DENND1B: variants seen among roughly 807,000 people sequenced by gnomAD.
DENND1B encodes the protein DENN domain containing 1B, also known as DENN domain-containing protein 1B.
In DENND1B, 59 loss-of-function variants were observed where a neutral mutation model predicts 90.1. The ratio of observed to expected loss-of-function variants is 0.65; its 90% CI spans 0.53 to 0.81. The LOEUF is 0.81. Among genes scored for constraint, DENND1B ranks in the 40% least tolerant of loss-of-function variants. DENND1B has a pLI of 0.00. For synonymous variants in DENND1B, 337 were observed against 324.6 expected (o/e 1.04, Z -0.41); for missense variants, 862 against 912.6 (o/e 0.94, Z 0.71).
At position 197,510,034 on chromosome 1, in the gene DENND1B, T is replaced by A. The variant is rs1173081435; in HGVS notation, c.*426A>T. The stretch of plus-strand genomic sequence containing the variant: ...TATGCTTAAAAAACAGCTTTAAGAT[T>A]AAGGCAATTAGTGGGTTAACAGTTT... On this transcript the variant is annotated 3_prime_UTR_variant, in exon 23 of 23. Transcript: ENST00000620048. 1 of 155,916 alleles carries A rather than the reference T, an allele frequency of 6.4e-6. No individual in the cohort carries two copies. Among genetic ancestry groups the A allele is most frequent in the Non-Finnish European group, 1.4e-5 (1 of 70,628 alleles). The allele number at this position is 155,916 out of a possible 1,614,324, so 9.7% of individuals were successfully genotyped here. A position where few individuals can be genotyped will look rare whatever the true frequency, so the allele number is the denominator to read the frequency against.
chr1:197,702,850 T>A (rs1659172607), intron 3 of DENND1B, among the ~76,000 whole-genome samples: 2 of 152,192 alleles, frequency 1.3e-5, no homozygotes, highest in African/African-American at 4.8e-5. Flanking sequence ...AAAGTTGTAA[T>A]TATAATACTA....
intron 14 of DENND1B, among the ~76,000 whole-genome samples, 173 bp from the exon 15 acceptor site, chr1:197,583,426 T>C (rs1339000968): frequency 6.6e-6 from 1 of 152,182 alleles, no homozygotes; most frequent in East Asian, 1.9e-4. Flanking sequence ...CTAATAAGCC[T>C]GTACTACACC....
At position 197,743,742 on chromosome 1, in the gene DENND1B, G is replaced by A. The variant is rs552715950; in HGVS notation, c.83-28668C>T. ...GCAGGCCTGAAGTCCTAGCTGCTAC[G>A]GAGGCTGAGGCAGTAGGACTGCTTG... On this transcript the variant is annotated intron_variant, in intron 2 of 22. Coordinates refer to ENST00000620048, the MANE Select transcript of DENND1B (RefSeq NM_001195215.2). 5.9e-5 allele frequency among the ~76,000 whole-genome samples: 9 copies of A among 152,244 alleles called. No individual in the cohort carries two copies. In the South Asian group the frequency reaches 1.2e-3, roughly 21 times the overall value.
rs773433361 is a variant in DENND1B at position 197,510,645 on chromosome 1, G to A, written c.2143C>T (p.Leu715Phe). Residue 715 changes from leucine (L) to phenylalanine (F), a missense_variant, in exon 23 of 23, where the codon CTT becomes TTT. Coordinates refer to ENST00000620048, the MANE Select transcript of DENND1B (RefSeq NM_001195215.2). Reference sequence around the variant, plus strand: ...GAATGCCGCCCAAGACCGGGTATAAGCAGATCATCTGAAATCTGGCTTAGT... The same window carrying A: ...GAATGCCGCCCAAGACCGGGTATAAACAGATCATCTGAAATCTGGCTTAGT... ...ETLSQISDDL[L>F]IPGLGRHSST... 3.7e-6 allele frequency: 6 copies of A among 1,612,848 alleles called. No individual in the cohort carries two copies. In the South Asian group the frequency reaches 4.4e-5, roughly 12 times the overall value.
At chr1:197,564,266 T>C (rs1004658281) in intron 15 of DENND1B, among the ~76,000 whole-genome samples, 15 of 151,700 alleles carry the variant, frequency 9.9e-5, no homozygotes, top group African/African-American at 2.9e-4. Context: ...CTCATGAAGG[T>C]AGGAGTCAAT....
intron 2 of DENND1B, among the ~76,000 whole-genome samples, chr1:197,737,795 A>T: frequency 8.4e-6 from 1 of 119,564 alleles, no homozygotes; most frequent in East Asian, 3.4e-4. Flanking sequence ...CTTCAAAAAA[A>T]GAAAAACAAG....
chr1:197,686,805 C>G (rs1288804452), intron 3 of DENND1B, among the ~76,000 whole-genome samples: 4 of 151,822 alleles, frequency 2.6e-5, no homozygotes, highest in African/African-American at 9.7e-5. Context: ...TTGGTGTTCC[C>G]TCTGGACTCT....
chr1:197,717,542 T>C (rs1660760521), intron 2 of DENND1B, among the ~76,000 whole-genome samples: 1 of 151,978 alleles, frequency 6.6e-6, no homozygotes, highest in Non-Finnish European at 1.5e-5. Flanking sequence ...TAAATATATT[T>C]AATCTCTTAG....
At chr1:197,517,815 T>A (rs1384609989) in intron 20 of DENND1B, among the ~76,000 whole-genome samples, 1 of 151,714 alleles carries the variant, frequency 6.6e-6, no homozygotes, top group Non-Finnish European at 1.5e-5. Flanking sequence ...TACTAAACCG[T>A]CTCCTTCTCT....
chr1:197,667,487 T>A (rs980974762), intron 5 of DENND1B, among the ~76,000 whole-genome samples: 1 of 152,162 alleles, frequency 6.6e-6, no homozygotes, highest in East Asian at 1.9e-4. Flanking sequence ...CAGAGTACAG[T>A]GGCACAATCT....
At chr1:197,611,367 G>A (rs1677168553) in intron 12 of DENND1B, among the ~76,000 whole-genome samples, 1 of 150,586 alleles carries the variant, frequency 6.6e-6, no homozygotes, top group Non-Finnish European at 1.5e-5. Context: ...TAACTTAAGT[G>A]ACAAAAATAA....
chr1:197,514,272 G>A (rs1668244323), intron 20 of DENND1B, among the ~76,000 whole-genome samples: 1 of 151,562 alleles, frequency 6.6e-6, no homozygotes, highest in Admixed American at 6.6e-5. Flanking sequence ...ACAATGTATG[G>A]GACAGGCAGG....
intron 10 of DENND1B, 115 bp downstream of exon 10, chr1:197,642,596 T>C (rs759931772): frequency 1.4e-4 from 89 of 633,246 alleles, no homozygotes; most frequent in Non-Finnish European, 2.1e-4. Context: ...ATCAAAAACG[T>C]ATGTAGATAT....
intron 11 of DENND1B, among the ~76,000 whole-genome samples, chr1:197,612,566 A>T (rs1677279307): frequency 6.6e-6 from 1 of 150,624 alleles, no homozygotes; most frequent in Admixed American, 6.6e-5. Flanking sequence ...CTACTGTGCT[A>T]TCTTTCCCCT....
chr1:197,525,585 A>G (rs776457326), intron 20 of DENND1B, among the ~76,000 whole-genome samples: 1 of 152,114 alleles, frequency 6.6e-6, no homozygotes, highest in Non-Finnish European at 1.5e-5. Context: ...ATAATTTAGA[A>G]GTCAGTACTG....
intron 2 of DENND1B, among the ~76,000 whole-genome samples, chr1:197,741,652 CA>C (rs1571576072): frequency 6.6e-6 from 1 of 152,256 alleles, no homozygotes; most frequent in East Asian, 1.9e-4. Flanking sequence ...AAATATTTAA[CA>C]GGCACAAAAC....
intron 7 of DENND1B, among the ~76,000 whole-genome samples, chr1:197,647,442 G>C (rs577006582): frequency 6.6e-6 from 1 of 152,080 alleles, no homozygotes; most frequent in Admixed American, 6.5e-5. Flanking sequence ...ACTTGTACAG[G>C]AACAAAAACT....
At chr1:197,548,924 AG>A (rs1671017166) in intron 16 of DENND1B, among the ~76,000 whole-genome samples, 1 of 152,164 alleles carries the variant, frequency 6.6e-6, no homozygotes, top group African/African-American at 2.4e-5. Context: ...CTATTTTAAA[AG>A]TTTTAAGGGC....
Position 197,523,448 on chromosome 1 carries a change from C to T in DENND1B, c.1516-10495G>A, listed in dbSNP as rs552553090. Among the ~76,000 whole-genome samples, 8 of 152,140 alleles carry T rather than the reference C, an allele frequency of 5.3e-5. No individual in the cohort carries two copies. The South Asian group carries it at 8.3e-4, about 16-fold the overall frequency. ...AAGTCCCACTCCTAAGGCACGGGGG[C>T]GCATGGCCCACTTAAGACAAGCATA... On this transcript the variant is annotated intron_variant, in intron 20 of 22. Transcript: ENST00000620048.
Sources: gnomAD v4.1 joint callset for allele counts (sites outside exome capture counted in the v4.1 genomes callset) on GRCh38, gnomAD v4.1.1 for gene constraint, MANE v1.5 for transcripts, NCBI Gene and HGNC (gene_info 2026-07-23, HGNC 2026-07-21) for gene names.